Variants in TYK2 observed in about 807,000 individuals in gnomAD.
The protein encoded by TYK2 is non-receptor tyrosine-protein kinase TYK2.
In TYK2, 65 loss-of-function variants were observed where a neutral mutation model predicts 130.9. The ratio of observed to expected loss-of-function variants is 0.50; its 90% confidence interval spans 0.41 to 0.61. The LOEUF (loss-of-function observed/expected upper bound fraction) is 0.61. TYK2 is among the 20% of genes least tolerant of loss of function. The pLI is 0.00. For missense variants in TYK2, 1,378 were observed against 1,610.7 expected (o/e 0.86, Z 2.47); for synonymous variants, 647 against 658.9 (o/e 0.98, Z 0.28).
In TYK2 at chr19:10,359,240, C is replaced by T; in HGVS notation, c.2110G>A (p.Gly704Ser). The T allele has an allele frequency of 1.2e-6, 2 of 1,610,868 alleles. No homozygotes were observed. The highest frequency in any genetic ancestry group is 2.2e-5 in the East Asian group (1 of 44,870). Residue 704 changes from glycine to serine, a missense_variant, in exon 15 of 25, where the codon GGC becomes AGC. Coordinates refer to ENST00000525621, the MANE Select transcript of TYK2 (RefSeq NM_003331.5). ...PLDVWLRRERGHVPMAWKMVV... is the reference protein window; with the variant it reads ...PLDVWLRRERSHVPMAWKMVV... Reference sequence around the variant, plus strand: ...ATCTTCCAAGCCATGGGCACATGGCCCCGCTCCCTCCGCAGCCACACATCC... The same window carrying T: ...ATCTTCCAAGCCATGGGCACATGGCTCCGCTCCCTCCGCAGCCACACATCC...
At position 10,357,415 on chromosome 19, in the gene TYK2, C is replaced by A. The variant is rs746718738; in HGVS notation, c.2466+349G>T. On this transcript the variant is annotated intron_variant, in intron 17 of 24. Transcript: ENST00000525621. Reference sequence around the variant, plus strand: ...AAAATAAAACCACCACACTCATGAACCTCCTTTGGGAAGCCTTGTCTGACC... The same window carrying A: ...AAAATAAAACCACCACACTCATGAAACTCCTTTGGGAAGCCTTGTCTGACC... The A allele has an allele frequency of 3.9e-5, 26 of 666,766 alleles. No homozygotes were observed. The South Asian group carries it at 4.2e-4, about 11-fold the overall frequency. The allele number at this position is 666,766 out of a possible 1,614,324, so 41.3% of individuals were successfully genotyped here.
intron 15 of TYK2, among the ~76,000 whole-genome samples, chr19:10,358,573 C>A (rs1045568214): frequency 1.3e-5 from 2 of 152,026 alleles, no homozygotes; most frequent in Non-Finnish European, 2.9e-5. Context: ...CCCACCTCAA[C>A]TTCCTGAGTA....
chr19:10,378,191 T>G (rs1459845553), intron 3 of TYK2, 23 bp downstream of exon 3: 1 of 1,611,758 alleles, frequency 6.2e-7, no homozygotes, highest in Non-Finnish European at 8.5e-7. Flanking sequence ...CCAGTCCCCA[T>G]GGTGCCAACG....
chr19:10,352,457 C>G lies in TYK2; in HGVS notation c.3295G>C (p.Asp1099His). ...ACCGTGGGGGGGCTCTGGCTGGAGT[C>G]ACAGTGCGTCAGCAGCTCATACAGG... ...VTLYELLTHC[D>H]SSQSPPTKFL... Residue 1099 changes from aspartate to histidine, a missense_variant, in exon 23 of 25, where the codon GAC (aspartate) becomes CAC (histidine). Transcript: ENST00000525621. 1.9e-6 allele frequency: 3 copies of G among 1,610,768 alleles called. No homozygotes were observed. The highest frequency in any genetic ancestry group is 2.5e-6 in the Non-Finnish European group (3 of 1,178,382).
chr19:10,357,684 C>G, intron 17 of TYK2, 80 bp downstream of exon 17: 1 of 1,540,854 alleles, frequency 6.5e-7, no homozygotes. Context: ...AGGGATGCAG[C>G]TTTGAGCTCT....
chr19:10,359,927 A>G (rs983585313), intron 14 of TYK2, among the ~76,000 whole-genome samples: 7 of 151,326 alleles, frequency 4.6e-5, no homozygotes, highest in African/African-American at 1.7e-4. Flanking sequence ...GCTGAGGCAG[A>G]AGAATGGTGG....
intron 3 of TYK2, chr19:10,368,852 A>C (rs1431203378): frequency 4.6e-6 from 1 of 216,158 alleles, no homozygotes; most frequent in Admixed American, 5.3e-5. Context: ...GCTGTTGCCC[A>C]GGCTGGAGAG....
chr19:10,379,201 C>T (rs2042282267), intron 2 of TYK2, among the ~76,000 whole-genome samples: 3 of 151,860 alleles, frequency 2.0e-5, no homozygotes, highest in African/African-American at 4.8e-5. Context: ...TGGGGGTGCA[C>T]ATCTGTACTC....
At chr19:10,378,146 A>G in intron 3 of TYK2, 68 bp downstream of exon 3, 2 of 1,542,060 alleles carry the variant, frequency 1.3e-6, no homozygotes, top group South Asian at 2.3e-5. Context: ...GGATAGACGG[A>G]TGGATGGGGC....
In TYK2 at chr19:10,362,655, T is replaced by A; in HGVS notation, c.1370A>T (p.Glu457Val). ...IRDGIHGPLL[E>V]PFVQAKLRPE... Reference sequence around the variant, plus strand: ...CCGCAGCTTGGCCTGCACAAATGGCTCCCTGGAAGGTGGTCCAGGGGGACT... The same window carrying A: ...CCGCAGCTTGGCCTGCACAAATGGCACCCTGGAAGGTGGTCCAGGGGGACT... The change falls in exon 10 of 25, where the codon GAG (glutamate) becomes GTG (valine). Residue 457 changes from glutamate to valine, a missense_variant and splice_region_variant. Transcript: ENST00000525621. The A allele has an allele frequency of 6.4e-7, 1 of 1,551,296 alleles. No homozygotes were observed. The highest frequency in any genetic ancestry group is 8.7e-7 in the Non-Finnish European group (1 of 1,146,840).
chr19:10,371,916 A>G (rs913406247), intron 3 of TYK2, among the ~76,000 whole-genome samples: 2 of 152,120 alleles, frequency 1.3e-5, no homozygotes, highest in South Asian at 4.1e-4. Flanking sequence ...CTGGGAGCAC[A>G]TGAGCTGACT....
In TYK2 at chr19:10,353,856, A is replaced by C; in HGVS notation, c.2908+186T>G. 1.4e-6 allele frequency: 1 copy of C among 732,964 alleles called. No homozygotes were observed. The highest frequency in any genetic ancestry group is 1.7e-5 in the South Asian group (1 of 57,854). 45.4% of individuals were successfully genotyped at this position (732,964 alleles called of 1,614,324 possible). A position where few individuals can be genotyped will look rare whatever the true frequency, so the allele number is the denominator to read the frequency against. ...GGCTCCCGTCCATCCTGGCCCCAGC[A>C]GGTAGCACCCCCCAGATGGGAAGGA... On this transcript the variant is annotated intron_variant, in intron 20 of 24. Transcript: ENST00000525621. This position sits in a 1 kb window ranked among gnomAD's most constrained non-coding sequence, Gnocchi z 6.9.
intron 22 of TYK2, 26 bp downstream of exon 22, chr19:10,352,900 C>A (rs773740634): frequency 6.3e-7 from 1 of 1,590,926 alleles, no homozygotes; most frequent in South Asian, 1.1e-5. Context: ...CCCAGCACCC[C>A]CTCAGACTGC....
chr19:10,361,398 G>T lies in TYK2; in HGVS notation c.2047+113C>A. 2 of 1,055,384 alleles carry T rather than the reference G, an allele frequency of 1.9e-6. No individual in the cohort carries two copies. Among genetic ancestry groups the T allele is most frequent in the South Asian group, 1.4e-5 (1 of 73,678 alleles). 65.4% of individuals were successfully genotyped at this position (1,055,384 alleles called of 1,614,324 possible). A position where few individuals can be genotyped will look rare whatever the true frequency, so the allele number is the denominator to read the frequency against. On this transcript the variant is annotated intron_variant, in intron 14 of 24. Coordinates refer to ENST00000525621, the MANE Select transcript of TYK2 (RefSeq NM_003331.5). The surrounding 1 kb of genome is among the most constrained non-coding windows in gnomAD (Gnocchi z 4.0). ...CGGGATCAGAGTACAGGTGAGAGTT[G>T]AGAAATAGGCATAGGTTGGGGTGTA...
intron 1 of TYK2, among the ~76,000 whole-genome samples, 161 bp from the exon 2 acceptor site, chr19:10,379,940 G>A (rs1309395335): frequency 6.6e-6 from 1 of 152,160 alleles, no homozygotes; most frequent in Non-Finnish European, 1.5e-5. Flanking sequence ...CCAAAGCCTA[G>A]GAGAGTTTAT....
chr19:10,369,025 T>A (rs1599356979), intron 3 of TYK2, among the ~76,000 whole-genome samples: 1 of 152,078 alleles, frequency 6.6e-6, no homozygotes, highest in Admixed American at 6.6e-5. Context: ...GCCAGGCTGG[T>A]CTCAAACTCC....
rs779134963 is a variant in TYK2, at chr19:10,366,643, T to C, written c.466-63A>G. 3.6e-4 allele frequency: 579 copies of C among 1,592,354 alleles called. 1 individual carries two copies. Among genetic ancestry groups the C allele is most frequent in the Non-Finnish European group, 4.8e-4 (559 of 1,162,636 alleles). ...AATGCGTTCCTCTCTAGCCCAGAGG[T>C]ATCCAATCTTCTGGCTACCCTGGAC... On this transcript the variant is annotated intron_variant, in intron 5 of 24. Transcript: ENST00000525621.
chr19:10,361,895 C>T lies in TYK2; in HGVS notation c.1834G>A (p.Gly612Ser), dbSNP rs773183691. ...NVYEGRLRVE[G>S]SGDPEEGKMD... ...TTGCCCTCCTCAGGGTCCCCGCTGCCCTCCACTCGCAGGCGGCCCTCATAC... is the reference window on the plus strand; with the variant it reads ...TTGCCCTCCTCAGGGTCCCCGCTGCTCTCCACTCGCAGGCGGCCCTCATAC... Residue 612 changes from glycine to serine, a missense_variant, in exon 13 of 25, where the codon GGC (glycine) becomes AGC (serine). By Grantham distance (56) the Gly-to-Ser change is moderately conservative. Transcript: ENST00000525621. This position sits in a 1 kb window ranked among gnomAD's most constrained non-coding sequence, Gnocchi z 4.0. 3.1e-6 allele frequency: 5 copies of T among 1,614,094 alleles called. No homozygotes were observed. The South Asian group carries it at 5.5e-5, about 18-fold the overall frequency.
intron 3 of TYK2, among the ~76,000 whole-genome samples, chr19:10,372,485 T>TATATATATATATATATA (rs59201811): frequency 2.5e-4 from 10 of 39,454 alleles, no homozygotes; most frequent in South Asian, 1.7e-3. Flanking sequence ...TATATATATA[T>TATATATATATATATATA]TTTTTTTTTT....
Sources: allele counts gnomAD v4.1 joint callset (sites outside exome capture counted in the v4.1 genomes callset), GRCh38; gene constraint gnomAD v4.1.1; non-coding constraint Gnocchi (gnomAD v3.1); transcripts MANE v1.5; gene names NCBI Gene and HGNC (gene_info 2026-07-23, HGNC 2026-07-21).